The following C3orf52 variants were observed in gnomAD, a reference collection of about 807,000 sequenced individuals.
C3orf52 encodes the protein chromosome 3 open reading frame 52, also known as TPA-induced transmembrane protein.
In C3orf52, 22 loss-of-function variants were observed where a neutral mutation model predicts 24.8. The ratio of observed to expected loss-of-function variants is 0.89; its 90% CI spans 0.63 to 1.27. The LOEUF (loss-of-function observed/expected upper bound fraction) is 1.27, where lower values mean the gene tolerates loss of function less well. Ranked by LOEUF, C3orf52 falls within the 50% of genes most tolerant of loss-of-function variation. C3orf52 has a pLI of 0.00. For synonymous variants in C3orf52, 93 were observed against 100.2 expected (o/e 0.93, Z 0.43); for missense variants, 265 against 260.7 (o/e 1.02, Z -0.11).
In C3orf52 at chr3:112,086,513, CCTT is replaced by C. The variant is rs1260686160; in HGVS notation, c.110_112del (p.Ser37del). ...TCTCAATGGTGCCGACAAGGTCTTCCCTTCTTTGGACGAGGAGGTCCCCCCGGC... is the reference window on the plus strand; with the variant it reads ...TCTCAATGGTGCCGACAAGGTCTTCCCTTTGGACGAGGAGGTCCCCCCGGC... On this transcript the variant is annotated inframe_deletion, in exon 1 of 6. Coordinates refer to ENST00000264848, the MANE Select transcript of C3orf52 (RefSeq NM_024616.3). 3 of 1,551,248 alleles carry C rather than the reference CCTT, an allele frequency of 1.9e-6. No individual in the cohort carries two copies. Among genetic ancestry groups the C allele is most frequent in the Non-Finnish European group, 2.6e-6 (3 of 1,146,794 alleles).
At chr3:112,127,952 T>C in intron 4 of C3orf52, 1 of 1,406,442 alleles carries the variant, frequency 7.1e-7, no homozygotes, top group Non-Finnish European at 1.0e-6. Context: ...ACAGGTAACT[T>C]ACAGCAAATA....
downstream of C3orf52, chr3:112,129,441 A>C (rs1285586614): frequency 6.6e-6 from 1 of 152,148 alleles, no homozygotes; most frequent in Non-Finnish European, 1.5e-5. Flanking sequence ...GCATTTCAAC[A>C]TGGTGGTTTT....
Position 112,116,892 on chromosome 3 carries a change from C to T in C3orf52, c.*246C>T, listed in dbSNP as rs200831121. 203 of 1,537,066 alleles carry T rather than the reference C, an allele frequency of 1.3e-4. No individual in the cohort carries two copies. The highest frequency in any genetic ancestry group is 1.7e-4 in the Non-Finnish European group (191 of 1,146,862). ...GGCAGGAAGCCAGCTAGGGTGGGGG[C>T]GATAGGGTCAGCGGGTATGTCCCAC... On this transcript the variant is annotated 3_prime_UTR_variant, in exon 6 of 6. Transcript: ENST00000264848.
At chr3:112,124,937 T>TGTC (rs1207943708) in intron 4 of C3orf52, among the ~76,000 whole-genome samples, 5 of 152,180 alleles carry the variant, frequency 3.3e-5, no homozygotes, top group African/African-American at 4.8e-5. Flanking sequence ...ATTCAAGGGT[T>TGTC]GTCGTTTTAG....
chr3:112,133,238 A>G (rs2074501779), downstream of C3orf52: 10 of 1,044,254 alleles, frequency 9.6e-6, no homozygotes, highest in Non-Finnish European at 1.5e-5. Flanking sequence ...CCACCCGTGC[A>G]GAGACAGCAG....
chr3:112,109,155 G>A lies in C3orf52; in HGVS notation c.397-388G>A, dbSNP rs11927035. The stretch of plus-strand genomic sequence containing the variant: ...CTGGAGAAGGGAGAAAGAAGCCCTG[G>A]GCTAAGCAATGTCCCAGGTGCTAAG... On this transcript the variant is annotated intron_variant, in intron 3 of 5. Transcript: ENST00000264848. Among the ~76,000 whole-genome samples the A allele has an allele frequency of 6.0e-3, 914 of 152,254 alleles. 14 individuals carry two copies. Among genetic ancestry groups the A allele is most frequent in the African/African-American group, 0.021 (872 of 41,544 alleles).
Position 112,128,018 on chromosome 3 carries a change from A to G in C3orf52, c.*47-215A>G, listed in dbSNP as rs140794013. 807 of 1,613,288 alleles carry G rather than the reference A, an allele frequency of 5.0e-4. 3 individuals carry two copies. Among genetic ancestry groups the G allele is most frequent in the South Asian group, 2.8e-3 (256 of 91,056 alleles). On this transcript the variant is annotated intron_variant, in intron 4 of 4. Transcript: ENST00000480282. ...TCCTAAAAACAACTGTCCACTCACCATGGAAGGCAGAAACACCCTTCAGCG... is the reference window on the plus strand; with the variant it reads ...TCCTAAAAACAACTGTCCACTCACCGTGGAAGGCAGAAACACCCTTCAGCG...
intron 4 of C3orf52, chr3:112,111,675 C>G (rs1470105752): frequency 6.6e-6 from 1 of 152,218 alleles, no homozygotes; most frequent in Admixed American, 6.5e-5. Context: ...CAGCCCAAGT[C>G]CTTGCCCCTG....
chr3:112,119,636 T>C, downstream of C3orf52: 1 of 620,558 alleles, frequency 1.6e-6, no homozygotes, highest in Non-Finnish European at 2.9e-6. Flanking sequence ...GTCTGATCAA[T>C]GCTAAGAAAA....
At chr3:112,130,399 C>G (rs780261537), downstream of C3orf52, 10 of 1,509,038 alleles carry the variant, frequency 6.6e-6, no homozygotes, top group South Asian at 1.0e-4. Flanking sequence ...ATACTTCGTT[C>G]TCCTTGGGCA....
intron 2 of C3orf52, among the ~76,000 whole-genome samples, chr3:112,097,700 G>A (rs1342917589): frequency 6.6e-6 from 1 of 152,174 alleles, no homozygotes; most frequent in Non-Finnish European, 1.5e-5. Context: ...TGAGAGCAGT[G>A]CTAGACCCAG....
At chr3:112,135,859 G>A (rs1469696138), downstream of C3orf52, among the ~76,000 whole-genome samples, 2 of 152,084 alleles carry the variant, frequency 1.3e-5, no homozygotes, top group African/African-American at 4.8e-5. Flanking sequence ...AATCTAGTTT[G>A]CAGCTCTGAG....
downstream of C3orf52, chr3:112,119,673 C>T (rs995696344): frequency 1.7e-6 from 1 of 594,308 alleles, no homozygotes; most frequent in East Asian, 2.9e-5. Flanking sequence ...CAATGTCCTC[C>T]TTCTCCTCTC....
intron 4 of C3orf52, chr3:112,128,200 A>G (rs748932102): frequency 4.1e-6 from 3 of 738,468 alleles, no homozygotes; most frequent in Middle Eastern, 2.3e-4. Flanking sequence ...ACTTGGACAC[A>G]TCTCTCATGG....
chr3:112,088,473 A>G (rs962514665), intron 1 of C3orf52, among the ~76,000 whole-genome samples: 7 of 152,232 alleles, frequency 4.6e-5, no homozygotes, highest in East Asian at 3.8e-4. Context: ...GCATAAATGC[A>G]TTTAATTATC....
Position 112,093,441 on chromosome 3 carries a change from T to G in C3orf52, c.220T>G (p.Phe74Val), listed in dbSNP as rs1474527725. Residue 74 changes from phenylalanine to valine, a missense_variant, in exon 2 of 6, where the codon TTC becomes GTC. Phe to Val is a conservative substitution (Grantham distance 50). Transcript: ENST00000264848. ...CKLWMIITSI[F>V]LGVITVIIIG... ...ACTGTGGATGATCATCACCTCCATT[T>G]TCCTAGGTGTCATTACAGTGATCAT... 1.2e-6 allele frequency: 2 copies of G among 1,613,884 alleles called. No individual in the cohort carries two copies. Among genetic ancestry groups the G allele is most frequent in the Admixed American group, 3.3e-5 (2 of 60,028 alleles).
chr3:112,133,391 G>A (rs1438519875), downstream of C3orf52: 2 of 416,212 alleles, frequency 4.8e-6, no homozygotes, highest in East Asian at 4.4e-5. Flanking sequence ...GTCAATGAGA[G>A]CTTCGAACCT....
chr3:112,099,935 G>T (rs1409384292), intron 2 of C3orf52, among the ~76,000 whole-genome samples: 1 of 152,206 alleles, frequency 6.6e-6, no homozygotes, highest in African/African-American at 2.4e-5. Context: ...TGTTGGAGAA[G>T]TAGCTTCAGA....
intron 2 of C3orf52, among the ~76,000 whole-genome samples, chr3:112,093,728 TACTTTAA>T (rs2073901414): frequency 6.6e-6 from 1 of 152,232 alleles, no homozygotes; most frequent in Admixed American, 6.5e-5. Context: ...ACCAGTGTTT[TACTTTAA>T]ACTCTGCTCA....
Sources: gnomAD v4.1 joint callset for allele counts (sites outside exome capture counted in the v4.1 genomes callset) on GRCh38, gnomAD v4.1.1 for gene constraint, MANE v1.5 for transcripts, NCBI Gene and HGNC (gene_info 2026-07-23, HGNC 2026-07-21) for gene names.